The following PLCL2 variants were observed in gnomAD, a reference collection of about 807,000 sequenced individuals.
The protein encoded by PLCL2 is phospholipase C like 2.
Under a neutral mutation model 79.6 loss-of-function variants are expected in PLCL2, and 4 were observed. The observed-to-expected ratio is 0.05, with a 90% confidence interval of 0.02 to 0.11. The LOEUF (loss-of-function observed/expected upper bound fraction) is 0.11, where lower values mean the gene tolerates loss of function less well. Among genes scored for constraint, PLCL2 ranks in the 10% least tolerant of loss-of-function variants. PLCL2 has a pLI of 1.00. For synonymous variants in PLCL2, 484 were observed against 457.7 expected (o/e 1.06, Z -0.73); for missense variants, 895 against 1,291.0 (o/e 0.69, Z 4.70).
chr3:17,002,772 T>TA (rs1370335866), intron 1 of PLCL2, among the ~76,000 whole-genome samples: 7 of 151,938 alleles, frequency 4.6e-5, no homozygotes, highest in African/African-American at 9.7e-5. Context: ...TTTGTTTTTC[T>TA]AAAAAAAATA....
chr3:16,885,824 A>G (rs139160333), intron 1 of PLCL2, among the ~76,000 whole-genome samples: 4 of 152,224 alleles, frequency 2.6e-5, no homozygotes, highest in Admixed American at 2.0e-4. Context: ...TCTGATCCGT[A>G]TACAGTTAGT....
intron 5 of PLCL2, among the ~76,000 whole-genome samples, chr3:17,081,887 T>A (rs955141610): frequency 1.3e-5 from 2 of 152,236 alleles, no homozygotes; most frequent in Non-Finnish European, 1.5e-5. Flanking sequence ...GACCTAAGGT[T>A]GTTATAACTC....
chr3:16,992,524 A>G (rs1360622937), intron 1 of PLCL2, among the ~76,000 whole-genome samples: 2 of 152,188 alleles, frequency 1.3e-5, no homozygotes, highest in Non-Finnish European at 2.9e-5. Context: ...AGAAGGCCAG[A>G]GTGTGGGAGA....
intron 1 of PLCL2, among the ~76,000 whole-genome samples, chr3:16,980,625 G>C (rs1192899098): frequency 4.6e-5 from 7 of 151,978 alleles, no homozygotes; most frequent in Non-Finnish European, 8.8e-5. Flanking sequence ...GATGGCAGCC[G>C]GGCAGAGACG....
At chr3:16,908,941 A>T (rs1476414211) in intron 1 of PLCL2, among the ~76,000 whole-genome samples, 2 of 152,210 alleles carry the variant, frequency 1.3e-5, no homozygotes, top group Admixed American at 1.3e-4. Context: ...AAGCATCGTG[A>T]CATCTTAAGT....
chr3:16,894,979 C>G (rs1415206270), intron 1 of PLCL2, among the ~76,000 whole-genome samples: 1 of 151,442 alleles, frequency 6.6e-6, no homozygotes, highest in East Asian at 1.9e-4. Flanking sequence ...ATATTAAATG[C>G]CAATGTAATT....
chr3:17,079,721 A>C (rs748037050), intron 5 of PLCL2, among the ~76,000 whole-genome samples: 9 of 152,354 alleles, frequency 5.9e-5, no homozygotes, highest in Admixed American at 2.6e-4. Context: ...GAAGGCATTC[A>C]TTCTGAATTT....
At chr3:16,951,911 T>C (rs2063656724) in intron 1 of PLCL2, among the ~76,000 whole-genome samples, 1 of 151,888 alleles carries the variant, frequency 6.6e-6, no homozygotes, top group Non-Finnish European at 1.5e-5. Context: ...CTTTTTTTTG[T>C]GAATATACAA....
chr3:17,000,420 T>C (rs575242030), intron 1 of PLCL2, among the ~76,000 whole-genome samples: 1 of 140,110 alleles, frequency 7.1e-6, no homozygotes, highest in Admixed American at 7.0e-5. Flanking sequence ...ACATCAGTCA[T>C]GTCAAACATT....
chr3:16,966,337 T>C (rs1300231158), intron 1 of PLCL2, among the ~76,000 whole-genome samples: 1 of 152,090 alleles, frequency 6.6e-6, no homozygotes, highest in Non-Finnish European at 1.5e-5. Flanking sequence ...TTTGCGTATG[T>C]TGAACCAGCC....
rs370166328 is a variant in PLCL2 at position 16,955,054 on chromosome 3, G to T, written c.328-54620G>T. On this transcript the variant is annotated intron_variant, in intron 1 of 5. Transcript: ENST00000615277. ...AATTAGATCCCATTTGTCAATTTTGGCTTTTGTTGCCATTGCTTTTGGTGT... is the reference window on the plus strand; with the variant it reads ...AATTAGATCCCATTTGTCAATTTTGTCTTTTGTTGCCATTGCTTTTGGTGT... Among the ~76,000 whole-genome samples, 10 of 152,258 alleles carry T rather than the reference G, an allele frequency of 6.6e-5. 1 individual carries two copies. The highest frequency in any genetic ancestry group is 6.5e-5 in the Admixed American group (1 of 15,294).
intron 3 of PLCL2, among the ~76,000 whole-genome samples, chr3:17,020,570 A>G (rs1430430514): frequency 6.6e-6 from 1 of 151,940 alleles, no homozygotes; most frequent in Non-Finnish European, 1.5e-5. Flanking sequence ...TTGCAACTTC[A>G]CAAAAGTCTT....
At position 17,009,330 on chromosome 3, in the gene PLCL2, C is replaced by G. The variant is rs969599306; in HGVS notation, c.328-344C>G. Among the ~76,000 whole-genome samples, 2 of 152,154 alleles carry G rather than the reference C, an allele frequency of 1.3e-5. No individual in the cohort carries two copies. Among genetic ancestry groups the G allele is most frequent in the Admixed American group, 1.3e-4 (2 of 15,288 alleles). ...AGAGATGGGATCTCACTGTATTACC[C>G]AGGTTGGTCTCAAACTCCTCACCTC... On this transcript the variant is annotated intron_variant, in intron 1 of 5. Transcript: ENST00000615277. The surrounding 1 kb of genome is among the most constrained non-coding windows in gnomAD (Gnocchi z 4.0).
At chr3:16,928,931 G>A (rs1697321921) in intron 1 of PLCL2, among the ~76,000 whole-genome samples, 1 of 138,290 alleles carries the variant, frequency 7.2e-6, no homozygotes, top group African/African-American at 2.8e-5. Context: ...AGGGACAGAT[G>A]GTTTGAGAGT....
intron 5 of PLCL2, among the ~76,000 whole-genome samples, chr3:17,089,478 C>G (rs2065252637): frequency 6.6e-6 from 1 of 152,046 alleles, no homozygotes; most frequent in Non-Finnish European, 1.5e-5. Flanking sequence ...ATAGTTCATG[C>G]ACACAGAACC....
chr3:16,910,123 A>G (rs1321493934), intron 1 of PLCL2, among the ~76,000 whole-genome samples: 1 of 152,196 alleles, frequency 6.6e-6, no homozygotes, highest in Admixed American at 6.5e-5. Context: ...TCCCATCAGC[A>G]TCAAACATTC....
chr3:16,907,274 A>G lies in PLCL2; in HGVS notation c.327+21908A>G, dbSNP rs149111834. ...GCCACTTATTTGTTCATTTTGTTAC[A>G]AAAGGGGCTAGATTATGAATTTAGT... On this transcript the variant is annotated intron_variant, in intron 1 of 5. Transcript: ENST00000615277. Among the ~76,000 whole-genome samples the G allele has an allele frequency of 4.4e-3, 669 of 152,316 alleles. 5 individuals are homozygous for G. Among genetic ancestry groups the G allele is most frequent in the African/African-American group, 0.015 (635 of 41,562 alleles).
At chr3:16,908,818 G>C (rs1696808785) in intron 1 of PLCL2, among the ~76,000 whole-genome samples, 1 of 152,092 alleles carries the variant, frequency 6.6e-6, no homozygotes, top group Non-Finnish European at 1.5e-5. Flanking sequence ...TTCAGATGAA[G>C]ATGAAATTAA....
At chr3:16,932,028 T>A (rs1697412282) in intron 1 of PLCL2, among the ~76,000 whole-genome samples, 1 of 152,164 alleles carries the variant, frequency 6.6e-6, no homozygotes, top group South Asian at 2.1e-4. Flanking sequence ...ATCTGCAGCC[T>A]GGAGAGGGCC....
Sources: gnomAD v4.1 joint callset for allele counts (sites outside exome capture counted in the v4.1 genomes callset) on GRCh38, gnomAD v4.1.1 for gene constraint, Gnocchi (gnomAD v3.1) non-coding constraint, MANE v1.5 for transcripts, NCBI Gene and HGNC (gene_info 2026-07-23, HGNC 2026-07-21) for gene names.